TRIM42: variants seen among roughly 807,000 people sequenced by gnomAD.
TRIM42 encodes the protein tripartite motif containing 42.
A neutral mutation model predicts 64.9 loss-of-function variants in TRIM42; 59 were observed. The ratio of observed to expected loss-of-function variants is 0.91; its 90% CI spans 0.74 to 1.13. TRIM42 has a LOEUF of 1.13. Among genes scored for constraint, TRIM42 ranks in the 50% most tolerant of loss-of-function variants. TRIM42 has a pLI of 0.00. For missense variants in TRIM42, 878 were observed against 929.5 expected (o/e 0.94, Z 0.72); for synonymous variants, 354 against 346.3 (o/e 1.02, Z -0.25).
Position 140,687,889 on chromosome 3 carries a change from G to T in TRIM42, c.1207G>T (p.Val403Leu). 6.2e-7 allele frequency: 1 copy of T among 1,614,230 alleles called. No homozygotes were observed. Among genetic ancestry groups the T allele is most frequent in the East Asian group, 2.2e-5 (1 of 44,880 alleles). ...CATGGAGCAGATAGAGAATCTAGAAGTGTCCAGGCAGAAGGAAATTGAAAA... is the reference window on the plus strand; with the variant it reads ...CATGGAGCAGATAGAGAATCTAGAATTGTCCAGGCAGAAGGAAATTGAAAA... ...IIMEQIENLE[V>L]SRQKEIEKYV... Residue 403 changes from valine to leucine, a missense_variant, in exon 3 of 5, where the codon GTG becomes TTG. Transcript: ENST00000286349.
In TRIM42 at chr3:140,690,995, G is replaced by A. The variant is rs79845561; in HGVS notation, c.1888G>A (p.Val630Met). ...TTACTGGACATGTCCAGCAGAAGAC[G>A]TGGACTCTTTTGAGATGGAATTCTA... ...KVYWTCPAED[V>M]DSFEMEFYEV... Residue 630 changes from valine to methionine, a missense_variant, in exon 4 of 5, where the codon GTG (valine) becomes ATG (methionine). By Grantham distance (21) the Val-to-Met change is conservative. Coordinates refer to ENST00000286349, the MANE Select transcript of TRIM42 (RefSeq NM_152616.5). 6,059 of 1,613,838 alleles carry A rather than the reference G, an allele frequency of 3.8e-3. 11 individuals carry two copies. Among genetic ancestry groups the A allele is most frequent in the Non-Finnish European group, 4.6e-3 (5,430 of 1,179,796 alleles).
In TRIM42 at chr3:140,688,301, T is replaced by G; in HGVS notation, c.1619T>G (p.Leu540Trp). The G allele has an allele frequency of 6.2e-7, 1 of 1,614,184 alleles. No homozygotes were observed. The highest frequency in any genetic ancestry group is 2.2e-5 in the East Asian group (1 of 44,888). The change falls in exon 3 of 5, where the codon TTG (leucine) becomes TGG (tryptophan). Residue 540 changes from leucine to tryptophan, a missense_variant. Physicochemically the swap from Leu to Trp is moderately conservative, Grantham distance 61 (BLOSUM62 -2). Coordinates refer to ENST00000286349, the MANE Select transcript of TRIM42 (RefSeq NM_152616.5). ...ATATACCAGCGAAGCTCCTCCATGT[T>G]GTCCTTCAGCAACACTGACAAGAAG... ...QHIYQRSSSM[L>W]SFSNTDKKAK...
chr3:140,692,360 A>C (rs1988739289), intron 4 of TRIM42, among the ~76,000 whole-genome samples: 1 of 152,158 alleles, frequency 6.6e-6, no homozygotes, highest in African/African-American at 2.4e-5. Context: ...CGAGGAAAAG[A>C]ATCCGAGTGG....
In TRIM42 at chr3:140,688,963, G is replaced by A. The variant is rs4683516; in HGVS notation, c.1860+421G>A. Among the ~76,000 whole-genome samples, 42 of 152,102 alleles carry A rather than the reference G, an allele frequency of 2.8e-4. No individual in the cohort carries two copies. The South Asian group carries it at 7.3e-3, about 26-fold the overall frequency. On this transcript the variant is annotated intron_variant, in intron 3 of 4. Coordinates refer to ENST00000286349, the MANE Select transcript of TRIM42 (RefSeq NM_152616.5). ...GCTCCATTACCTATCAGCTGTTTCCGTTAAATTGCTGCCTTTCCTAAAGCA... is the reference window on the plus strand; with the variant it reads ...GCTCCATTACCTATCAGCTGTTTCCATTAAATTGCTGCCTTTCCTAAAGCA...
chr3:140,693,790 G>C (rs2107765532), intron 4 of TRIM42, among the ~76,000 whole-genome samples: 1 of 152,296 alleles, frequency 6.6e-6, no homozygotes, highest in East Asian at 1.9e-4. Flanking sequence ...TCTAGGACTT[G>C]ATTTTTAAGA....
Position 140,678,107 on chromosome 3 carries a change from A to C in TRIM42, c.-123A>C. The C allele has an allele frequency of 3.3e-6, 3 of 914,558 alleles. No individual in the cohort carries two copies. The highest frequency in any genetic ancestry group is 4.5e-5 in the Admixed American group (2 of 44,626). 56.7% of individuals were successfully genotyped at this position (914,558 alleles called of 1,614,324 possible). The stretch of plus-strand genomic sequence containing the variant: ...GTCCTCATAACAGCCAACTTCTTGC[A>C]ACTTTCAAGCTGACGGCCTCAGGAA... On this transcript the variant is annotated 5_prime_UTR_variant, in exon 1 of 5. Coordinates refer to ENST00000286349, the MANE Select transcript of TRIM42 (RefSeq NM_152616.5).
intron 1 of TRIM42, among the ~76,000 whole-genome samples, chr3:140,679,114 A>T (rs1988293156): frequency 6.6e-6 from 1 of 151,576 alleles, no homozygotes. Flanking sequence ...TCTGTATGTG[A>T]TATAAAAATA....
intron 4 of TRIM42, among the ~76,000 whole-genome samples, chr3:140,694,887 C>T (rs1988810040): frequency 6.6e-6 from 1 of 152,154 alleles, no homozygotes; most frequent in African/African-American, 2.4e-5. Flanking sequence ...CTCCATCTTC[C>T]ACCTTGAAGG....
intron 2 of TRIM42, among the ~76,000 whole-genome samples, chr3:140,685,699 C>T (rs1174949119): frequency 6.6e-5 from 10 of 152,114 alleles, no homozygotes; most frequent in East Asian, 1.9e-4. Flanking sequence ...TATTCTGGTA[C>T]TCAGAGAGGG....
rs1988266908 is a variant in TRIM42 at position 140,678,500 on chromosome 3, T to C, written c.271T>C (p.Tyr91His). The C allele has an allele frequency of 1.2e-6, 2 of 1,613,966 alleles. No homozygotes were observed. Among genetic ancestry groups the C allele is most frequent in the East Asian group, 2.2e-5 (1 of 44,884 alleles). ...CAGCAGCAATCTCAACTGCTACTAC[T>C]ATGAGAGCCGCTGCTGCCGCAATAC... ...TASSNLNCYY[Y>H]ESRCCRNTII... The change falls in exon 1 of 5, where the codon TAT becomes CAT. Residue 91 changes from tyrosine (Y) to histidine (H), a missense_variant. By Grantham distance (83) the Tyr-to-His change is moderately conservative. Transcript: ENST00000286349.
chr3:140,688,161 G>A lies in TRIM42; in HGVS notation c.1479G>A (p.Gly493=). 4.3e-6 allele frequency: 7 copies of A among 1,614,112 alleles called. No homozygotes were observed. The highest frequency in any genetic ancestry group is 5.9e-6 in the Non-Finnish European group (7 of 1,180,028). The change falls in exon 3 of 5, where the codon GGG becomes GGA. Residue 493 remains glycine (G), a synonymous_variant. Transcript: ENST00000286349. ...CCATCCATGAGCTCTTCCCCACAGG[G>A]CCCAAGAAGGTACGCTCCTCAGGGG... The part of the protein sequence containing the change: ...SSAIHELFPT[G]PKKVRSSGDS...
Position 140,688,016 on chromosome 3 carries a change from C to A in TRIM42, c.1334C>A (p.Ser445Ter). The stretch of plus-strand genomic sequence containing the variant: ...ACTGGCCAGGTGGCATTCCTGCAGT[C>A]AGCCAAGATCCTGGTGGACCAGATC... ...KETGQVAFLQSAKILVDQIED... is the reference protein window; with the variant it reads ...KETGQVAFLQ The change falls in exon 3 of 5, where the codon TCA (serine) becomes TAA (stop). Residue 445 changes from serine to a stop codon, truncating the protein, a stop_gained. Coordinates refer to ENST00000286349, the MANE Select transcript of TRIM42 (RefSeq NM_152616.5). LOFTEE classifies it high-confidence loss of function. 1.2e-6 allele frequency: 2 copies of A among 1,614,226 alleles called. No individual in the cohort carries two copies. Among genetic ancestry groups the A allele is most frequent in the Non-Finnish European group, 1.7e-6 (2 of 1,180,040 alleles).
chr3:140,681,806 A>G (rs947757647), intron 1 of TRIM42, among the ~76,000 whole-genome samples: 3 of 151,680 alleles, frequency 2.0e-5, no homozygotes, highest in Non-Finnish European at 1.5e-5. Flanking sequence ...GAGTAAATCT[A>G]TTGAATATCT....
Position 140,682,595 on chromosome 3 carries a change from C to T in TRIM42, c.475C>T (p.Leu159=). 1.2e-6 allele frequency: 2 copies of T among 1,614,232 alleles called. No homozygotes were observed. Among genetic ancestry groups the T allele is most frequent in the Non-Finnish European group, 1.7e-6 (2 of 1,180,046 alleles). ...CSRLRLHSFM[L]PCNHSLCEKC... is the part of the protein sequence containing the mutation. ...CCGGCTGCGCCTGCACTCATTCATG[C>T]TGCCCTGCAACCACAGCCTGTGCGA... is the stretch of plus-strand genomic sequence containing the variant. Residue 159 remains leucine, a synonymous_variant, in exon 2 of 5, where the codon CTG becomes TTG. Coordinates refer to ENST00000286349, the MANE Select transcript of TRIM42 (RefSeq NM_152616.5).
Position 140,691,013 on chromosome 3 carries a change from G to C in TRIM42, c.1906G>C (p.Glu636Gln), listed in dbSNP as rs1320097417. The change falls in exon 4 of 5, where the codon GAA (glutamate) becomes CAA (glutamine). Residue 636 changes from glutamate (E) to glutamine (Q), a missense_variant. Transcript: ENST00000286349. Reference sequence around the variant, plus strand: ...AGAAGACGTGGACTCTTTTGAGATGGAATTCTATGAAGTCATTACTTCTCC... The same window carrying C: ...AGAAGACGTGGACTCTTTTGAGATGCAATTCTATGAAGTCATTACTTCTCC... Reference protein sequence around the residue: ...PAEDVDSFEMEFYEVITSPPN... With the variant: ...PAEDVDSFEMQFYEVITSPPN... The C allele has an allele frequency of 6.2e-7, 1 of 1,614,054 alleles. No individual in the cohort carries two copies. The highest frequency in any genetic ancestry group is 1.7e-5 in the Admixed American group (1 of 60,018).
chr3:140,694,998 AC>A (rs1208026378), intron 4 of TRIM42, among the ~76,000 whole-genome samples: 1 of 152,058 alleles, frequency 6.6e-6, no homozygotes, highest in Non-Finnish European at 1.5e-5. Flanking sequence ...TAATCCCACC[AC>A]TTTGGGAGGC....
At chr3:140,697,753 G>A (rs951250555) in intron 4 of TRIM42, among the ~76,000 whole-genome samples, 2 of 152,154 alleles carry the variant, frequency 1.3e-5, no homozygotes, top group African/African-American at 2.4e-5. Flanking sequence ...GCGCGATCTC[G>A]GCTCACTGCA....
chr3:140,701,073 G>T lies in TRIM42; in HGVS notation c.*99G>T. ...TTTTTCTCACCACATTCTTCAAGGA[G>T]GTTGTAGACAAATGTTTCCATGACC... is the stretch of plus-strand genomic sequence containing the variant. On this transcript the variant is annotated 3_prime_UTR_variant, in exon 5 of 5. Transcript: ENST00000286349. The T allele has an allele frequency of 1.9e-6, 2 of 1,050,128 alleles. No homozygotes were observed. The highest frequency in any genetic ancestry group is 1.4e-6 in the Non-Finnish European group (1 of 740,030). 65.1% of individuals were successfully genotyped at this position (1,050,128 alleles called of 1,614,324 possible).
chr3:140,695,750 A>ATTAGGGTTGGAGCCACACACTTTCAAAGG (rs1988830415), intron 4 of TRIM42, among the ~76,000 whole-genome samples: 1 of 152,014 alleles, frequency 6.6e-6, no homozygotes, highest in African/African-American at 2.4e-5. Flanking sequence ...ACCTTCAAAG[A>ATTAGGGTTGGAGCCACACACTTTCAAAGG]TTAGGGTTGG....
Sources: allele counts gnomAD v4.1 joint callset (sites outside exome capture counted in the v4.1 genomes callset), GRCh38; gene constraint gnomAD v4.1.1; transcripts MANE v1.5; gene names NCBI Gene and HGNC (gene_info 2026-07-23, HGNC 2026-07-21).